The following PCDHA5 variants were observed in gnomAD, a reference collection of about 807,000 sequenced individuals.
PCDHA5 encodes the protein protocadherin alpha-5.
In PCDHA5, 43 loss-of-function variants were observed where a neutral mutation model predicts 61.6. The ratio of observed to expected loss-of-function variants is 0.70; its 90% CI spans 0.55 to 0.90. PCDHA5 has a LOEUF of 0.90. Ranked by LOEUF, PCDHA5 falls within the 40% of genes least tolerant of loss-of-function variation. The pLI is 0.00. For synonymous variants in PCDHA5, 627 were observed against 543.9 expected, an observed-to-expected ratio of 1.15 and a Z score of -2.13; for missense variants, 1,298 against 1,222.7, an observed-to-expected ratio of 1.06 and a Z score of -0.92.
At position 140,823,172 on chromosome 5, in the gene PCDHA5, A is replaced by G. The variant is rs1554129177; in HGVS notation, c.1397A>G (p.Asn466Ser). Residue 466 changes from asparagine (N) to serine (S), a missense_variant, in exon 1 of 4, where the codon AAC becomes AGC. By Grantham distance (46) the Asn-to-Ser change is conservative. Coordinates refer to ENST00000529859, the MANE Select transcript of PCDHA5 (RefSeq NM_018908.3). ...QPQYTVFVKE[N>S]NPPGCHIFTV... is the part of the protein sequence containing the mutation. ...CAGTATACCGTGTTCGTGAAGGAGAACAACCCGCCAGGCTGCCACATCTTC... is the reference window on the plus strand; with the variant it reads ...CAGTATACCGTGTTCGTGAAGGAGAGCAACCCGCCAGGCTGCCACATCTTC... The G allele has an allele frequency of 1.2e-5, 20 of 1,613,858 alleles. No individual in the cohort carries two copies. Among genetic ancestry groups the G allele is most frequent in the Middle Eastern group, 1.7e-4 (1 of 6,032 alleles).
At chr5:140,837,494 T>C (rs2150275990) in intron 1 of PCDHA5, among the ~76,000 whole-genome samples, 2,176 of 141,154 alleles carry the variant, frequency 0.015, 60 homozygotes, top group African/African-American at 0.056. Flanking sequence ...ACTTTACCTT[T>C]CTGAATTTCT....
intron 1 of PCDHA5, among the ~76,000 whole-genome samples, chr5:140,941,214 C>CCTTCCTTTCTTTCTTTCTTTCTTT (rs1554214040): frequency 1.1e-4 from 13 of 122,412 alleles, no homozygotes; most frequent in Non-Finnish European, 1.5e-4. Flanking sequence ...TTTCTTTCTT[C>CCTTCCTTTCTTTCTTTCTTTCTTT]CTTTCTTTCT....
chr5:140,843,138 G>A lies in PCDHA5; in HGVS notation c.2352+19011G>A. The stretch of plus-strand genomic sequence containing the variant: ...GACGCCGACTCGGGCTACAACGCGT[G>A]GCTTTCGTATGAGCTGCAGCCAGCT... On this transcript the variant is annotated intron_variant, in intron 1 of 3. Coordinates refer to ENST00000529859, the MANE Select transcript of PCDHA5 (RefSeq NM_018908.3). 1.3e-6 allele frequency: 2 copies of A among 1,596,034 alleles called. 1 individual carries two copies. The highest frequency in any genetic ancestry group is 1.7e-6 in the Non-Finnish European group (2 of 1,165,594).
intron 1 of PCDHA5, among the ~76,000 whole-genome samples, chr5:140,975,411 G>A (rs868983297): frequency 6.6e-6 from 1 of 152,236 alleles, no homozygotes; most frequent in African/African-American, 2.4e-5. Flanking sequence ...CAGTCTTGGA[G>A]ACTATTCAGG....
At chr5:140,867,018 T>C (rs1445969805) in intron 1 of PCDHA5, 1 of 152,176 alleles carries the variant, frequency 6.6e-6, no homozygotes, top group Non-Finnish European at 1.5e-5. Context: ...TCATACACTA[T>C]ATCAAACTCT....
intron 3 of PCDHA5, among the ~76,000 whole-genome samples, chr5:141,007,846 A>G (rs1368916424): frequency 6.6e-6 from 1 of 152,176 alleles, no homozygotes. Flanking sequence ...TAGAGACTCA[A>G]AGTCCTTAAA....
chr5:141,003,044 T>C (rs1459180030), intron 3 of PCDHA5, among the ~76,000 whole-genome samples: 1 of 152,230 alleles, frequency 6.6e-6, no homozygotes, highest in African/African-American at 2.4e-5. Flanking sequence ...CCTCCTGGCC[T>C]TAACAGAACA....
At chr5:140,848,621 C>T (rs2150415318) in intron 1 of PCDHA5, 1 of 1,593,480 alleles carries the variant, frequency 6.3e-7, no homozygotes, top group Non-Finnish European at 8.6e-7. Context: ...CCGAACACGG[C>T]ACCTTCGTGG....
At chr5:140,993,407 C>T (rs2097554546) in intron 3 of PCDHA5, among the ~76,000 whole-genome samples, 1 of 151,550 alleles carries the variant, frequency 6.6e-6, no homozygotes, top group African/African-American at 2.4e-5. Context: ...TAACCACCTT[C>T]ATCAGCATTT....
rs542875982 is a variant in PCDHA5 at position 140,939,696 on chromosome 5, T to C, written c.2353-39253T>C. On this transcript the variant is annotated intron_variant, in intron 1 of 3. Coordinates refer to ENST00000529859, the MANE Select transcript of PCDHA5 (RefSeq NM_018908.3). Reference sequence around the variant, plus strand: ...TATGTATGTGTGTGTTGCTGGACATTATCATTTGTGAGATACATTTATATT... The same window carrying C: ...TATGTATGTGTGTGTTGCTGGACATCATCATTTGTGAGATACATTTATATT... Among the ~76,000 whole-genome samples the C allele has an allele frequency of 1.6e-4, 24 of 152,340 alleles. No homozygotes were observed. The East Asian group carries it at 2.7e-3, about 17-fold the overall frequency.
At chr5:140,937,927 A>AT (rs201742095) in intron 1 of PCDHA5, among the ~76,000 whole-genome samples, 1 of 149,222 alleles carries the variant, frequency 6.7e-6, no homozygotes, top group Non-Finnish European at 1.5e-5. Flanking sequence ...AAAAAAAAAA[A>AT]GTTTAATTTG....
chr5:140,966,453 C>G, intron 1 of PCDHA5: 1 of 426,310 alleles, frequency 2.3e-6, no homozygotes, highest in Non-Finnish European at 4.1e-6. Flanking sequence ...TTCCCCCTCC[C>G]CCTCTGTCTT....
chr5:140,844,871 C>A (rs1779583904), intron 1 of PCDHA5, among the ~76,000 whole-genome samples: 2 of 149,246 alleles, frequency 1.3e-5, no homozygotes, highest in African/African-American at 4.9e-5. Context: ...ATATTAAATA[C>A]CCATTAGACT....
intron 1 of PCDHA5, among the ~76,000 whole-genome samples, chr5:140,956,438 G>A (rs891696288): frequency 1.3e-5 from 2 of 152,154 alleles, no homozygotes; most frequent in Non-Finnish European, 2.9e-5. Context: ...TTCTGCTTAT[G>A]TGATGAATTA....
At chr5:140,828,232 G>A in intron 1 of PCDHA5, 1 of 1,613,964 alleles carries the variant, frequency 6.2e-7, no homozygotes, top group Non-Finnish European at 8.5e-7. Context: ...TCGTGGGCCG[G>A]ATCGCGCAGG....
intron 1 of PCDHA5, chr5:140,829,838 C>A (rs2150175831): frequency 1.2e-6 from 2 of 1,613,924 alleles, no homozygotes; most frequent in Non-Finnish European, 1.7e-6. Flanking sequence ...GCTGGTGCCG[C>A]GGTCACTGGG....
At chr5:140,982,337 A>T in intron 2 of PCDHA5, 138 bp from the exon 3 acceptor site, 1 of 1,455,066 alleles carries the variant, frequency 6.9e-7, no homozygotes, top group Non-Finnish European at 9.1e-7. Flanking sequence ...CTCAGCAGTA[A>T]TTGCTTCAGT....
rs1268753327 is a variant in PCDHA5, at chr5:140,821,863, C to T, written c.88C>T (p.Leu30Phe). The T allele has an allele frequency of 6.2e-7, 1 of 1,614,110 alleles. No individual in the cohort carries two copies. The highest frequency in any genetic ancestry group is 1.3e-5 in the African/African-American group (1 of 74,954). The change falls in exon 1 of 4, where the codon CTC (leucine) becomes TTC (phenylalanine). Residue 30 changes from leucine to phenylalanine, a missense_variant. Leu to Phe is a conservative substitution (Grantham distance 22, BLOSUM62 0). Coordinates refer to ENST00000529859, the MANE Select transcript of PCDHA5 (RefSeq NM_018908.3). ...LAYWKAGSGQLHYSIPEEAKH... is the reference protein window; with the variant it reads ...LAYWKAGSGQFHYSIPEEAKH... ...CTACTGGAAGGCAGGGAGCGGCCAG[C>T]TCCACTACTCGATCCCGGAGGAAGC...
rs368758287 is a variant in PCDHA5 at position 140,883,621 on chromosome 5, C to A, written c.2352+59494C>A. On this transcript the variant is annotated intron_variant, in intron 1 of 3. Transcript: ENST00000529859. ...TGGGGGTGGCCGACGTGAACGACAACGCGCCGGCGTTCGCGCAGCCCGAGT... is the reference window on the plus strand; with the variant it reads ...TGGGGGTGGCCGACGTGAACGACAAAGCGCCGGCGTTCGCGCAGCCCGAGT... 5 of 1,613,850 alleles carry A rather than the reference C, an allele frequency of 3.1e-6. No individual in the cohort carries two copies. In the African/African-American group the frequency reaches 4.0e-5, roughly 13 times the overall value.
Sources: allele counts gnomAD v4.1 joint callset (sites outside exome capture counted in the v4.1 genomes callset), GRCh38; gene constraint gnomAD v4.1.1; transcripts MANE v1.5; gene names NCBI Gene and HGNC (gene_info 2026-07-23, HGNC 2026-07-21).